Variants in ERMP1 observed in about 807,000 individuals in gnomAD.
ERMP1 encodes the protein Felix-ina.
A neutral mutation model predicts 92.0 loss-of-function variants in ERMP1; 86 were observed. That is an observed-to-expected ratio of 0.93 (90% CI 0.79 to 1.12). The LOEUF (loss-of-function observed/expected upper bound fraction) is 1.12, where lower values mean the gene tolerates loss of function less well. Ranked by LOEUF, ERMP1 falls within the 50% of genes most tolerant of loss-of-function variation. The probability of loss-of-function intolerance (pLI) is 0.00; values close to 1 mark genes in which losing one functional copy is unlikely to be tolerated. For synonymous variants in ERMP1, 530 were observed against 412.8 expected (o/e 1.28, Z -3.44); for missense variants, 1,342 against 1,116.3 (o/e 1.20, Z -2.88).
At chr9:5,799,989 C>T (rs183650371) in intron 11 of ERMP1, among the ~76,000 whole-genome samples, 1 of 152,110 alleles carries the variant, frequency 6.6e-6, no homozygotes, top group Non-Finnish European at 1.5e-5. Context: ...TATTTGGCCC[C>T]TTTTCAAAAC....
At chr9:5,844,513 A>T (rs1156555869) in intron 6 of ERMP1, among the ~76,000 whole-genome samples, 1 of 152,028 alleles carries the variant, frequency 6.6e-6, no homozygotes, top group Non-Finnish European at 1.5e-5. Context: ...GGCTCAAGTG[A>T]CCCACCCTCC....
upstream of ERMP1, among the ~76,000 whole-genome samples, chr9:5,834,916 C>T (rs555101880): frequency 5.7e-5 from 8 of 141,486 alleles, no homozygotes; most frequent in Non-Finnish European, 1.2e-4. Context: ...GCAGATGATA[C>T]CTGCCTTAAG....
rs117713889 is a variant in ERMP1 at position 5,841,190 on chromosome 9, G to C, written n.3200-7878C>G. Among the ~76,000 whole-genome samples, 56 of 152,192 alleles carry C rather than the reference G, an allele frequency of 3.7e-4. No individual in the cohort carries two copies. The East Asian group carries it at 7.7e-3, about 21-fold the overall frequency. On this transcript the variant is annotated intron_variant and non_coding_transcript_variant, in intron 6 of 6. Transcript: ENST00000690753. Reference sequence around the variant, plus strand: ...CCCTTGGTACATTAGCAATCCATAAGCAGAAAGCCAGAAGTACCAAGAATA... The same window carrying C: ...CCCTTGGTACATTAGCAATCCATAACCAGAAAGCCAGAAGTACCAAGAATA...
At chr9:5,861,887 G>A (rs1830508392) in intron 5 of ERMP1, among the ~76,000 whole-genome samples, 1 of 151,972 alleles carries the variant, frequency 6.6e-6, no homozygotes, top group African/African-American at 2.4e-5. Flanking sequence ...GGGGCCAGTT[G>A]AGTGTAGTCC....
At chr9:5,859,965 A>G (rs888385148) in intron 5 of ERMP1, among the ~76,000 whole-genome samples, 1 of 152,166 alleles carries the variant, frequency 6.6e-6, no homozygotes, top group African/African-American at 2.4e-5. Flanking sequence ...ATATCTTAAT[A>G]AAGAATTCTT....
At chr9:5,793,282 AT>A (rs199715569) in intron 13 of ERMP1, among the ~76,000 whole-genome samples, 77 of 151,138 alleles carry the variant, frequency 5.1e-4, no homozygotes, top group East Asian at 9.7e-4. Flanking sequence ...TAAAAAAAAA[AT>A]AGTAGTGTAA....
At position 5,830,811 on chromosome 9, in the gene ERMP1, C is replaced by T. The variant is rs1250691213; in HGVS notation, c.556G>A (p.Val186Ile). 6.2e-7 allele frequency: 1 copy of T among 1,614,124 alleles called. No individual in the cohort carries two copies. The highest frequency in any genetic ancestry group is 1.1e-5 in the South Asian group (1 of 91,080). The change falls in exon 2 of 15, where the codon GTT becomes ATT. Residue 186 changes from valine (V) to isoleucine (I), a missense_variant. Val to Ile is a conservative substitution (Grantham distance 29). Transcript: ENST00000339450. ...TCTCTGGGTTCCAGCTTTACCACAA[C>T]ATTGGTGATGTTGTCATAATAGCTT... ...FTSYYDNITN[V>I]VVKLEPRDGA... is the part of the protein sequence containing the mutation.
In ERMP1 at chr9:5,805,632, G is replaced by C; in HGVS notation, c.1702C>G (p.His568Asp). The change falls in exon 9 of 15, where the codon CAT (histidine) becomes GAT (aspartate). Residue 568 changes from histidine to aspartate, a missense_variant. Transcript: ENST00000339450. ...CTACCATGCTGCTTGAAGTCCTTATGCACACAGAGCTTTGTGAGCAATGGG... is the reference window on the plus strand; with the variant it reads ...CTACCATGCTGCTTGAAGTCCTTATCCACACAGAGCTTTGTGAGCAATGGG... ...AFPLLTKLCVHKDFKQHGAQG... is the reference protein window; with the variant it reads ...AFPLLTKLCVDKDFKQHGAQG... 1.3e-6 allele frequency: 2 copies of C among 1,599,384 alleles called. No individual in the cohort carries two copies. The highest frequency in any genetic ancestry group is 1.7e-6 in the Non-Finnish European group (2 of 1,175,438).
chr9:5,809,650 C>G (rs1829014502), intron 8 of ERMP1, among the ~76,000 whole-genome samples: 1 of 152,204 alleles, frequency 6.6e-6, no homozygotes, highest in Non-Finnish European at 1.5e-5. Flanking sequence ...AATCCCTATC[C>G]TCAAGGAGCT....
rs145787941 is a variant in ERMP1, at chr9:5,821,994, C to T, written c.874+1902G>A. ...AGAGGCCGGGCGTGGTGGCTCGTGCCTGTAATCCCAGCTCTTTGGGAGGCT... is the reference window on the plus strand; with the variant it reads ...AGAGGCCGGGCGTGGTGGCTCGTGCTTGTAATCCCAGCTCTTTGGGAGGCT... On this transcript the variant is annotated intron_variant, in intron 4 of 14. Transcript: ENST00000339450. Among the ~76,000 whole-genome samples the T allele has an allele frequency of 3.5e-3, 526 of 152,324 alleles. 3 individuals are homozygous for T. Among genetic ancestry groups the T allele is most frequent in the African/African-American group, 0.012 (483 of 41,574 alleles).
chr9:5,848,810 A>G (rs1342117789), intron 6 of ERMP1, among the ~76,000 whole-genome samples: 3 of 152,156 alleles, frequency 2.0e-5, no homozygotes, highest in Admixed American at 2.0e-4. Context: ...TAGTGAGGCT[A>G]GTTGAATATC....
intron 4 of ERMP1, among the ~76,000 whole-genome samples, chr9:5,816,285 A>G (rs1315996854): frequency 1.3e-4 from 20 of 152,218 alleles, no homozygotes; most frequent in Admixed American, 1.3e-3. Context: ...GCATTATTAT[A>G]GTTTAATATT....
intron 6 of ERMP1, among the ~76,000 whole-genome samples, chr9:5,841,767 T>A (rs1301352398): frequency 6.6e-6 from 1 of 152,210 alleles, no homozygotes; most frequent in Non-Finnish European, 1.5e-5. Flanking sequence ...TGTCCGGAAC[T>A]GGTTCCTTCA....
rs112496938 is a variant in ERMP1, at chr9:5,818,712, CA to C, written c.874+5183del. 7.8e-3 allele frequency among the ~76,000 whole-genome samples: 989 copies of C among 126,628 alleles called. 4 individuals carry two copies. The highest frequency in any genetic ancestry group is 0.019 in the African/African-American group (636 of 34,108). 83.1% of individuals were successfully genotyped at this position (126,628 alleles called of 152,430 possible). ...TGGGCAACAAAGCAAGATCCTATCT[CA>C]AAAAAAAAAAAAGAAAAGAAAAGAA... is the stretch of plus-strand genomic sequence containing the variant. On this transcript the variant is annotated intron_variant, in intron 4 of 14. Coordinates refer to ENST00000339450, the MANE Select transcript of ERMP1 (RefSeq NM_024896.3).
In ERMP1 at chr9:5,805,960, T is replaced by C. The variant is rs371581994; in HGVS notation, c.1549-175A>G. 3.3e-5 allele frequency among the ~76,000 whole-genome samples: 5 copies of C among 152,300 alleles called. No individual in the cohort carries two copies. In the South Asian group the frequency reaches 6.2e-4, roughly 19 times the overall value. On this transcript the variant is annotated intron_variant, in intron 8 of 14. Coordinates refer to ENST00000339450, the MANE Select transcript of ERMP1 (RefSeq NM_024896.3). Reference sequence around the variant, plus strand: ...CAAAGCTACCTCCCCCATCATGAAGTAGTAAATTCAAATGTAGCACAAGAA... The same window carrying C: ...CAAAGCTACCTCCCCCATCATGAAGCAGTAAATTCAAATGTAGCACAAGAA...
chr9:5,834,703 A>ATGTGTGTGTG (rs766269385), upstream of ERMP1, among the ~76,000 whole-genome samples: 18,570 of 122,828 alleles, frequency 0.15, 1,899 homozygotes, highest in Non-Finnish European at 0.19. Flanking sequence ...GTATGTATAT[A>ATGTGTGTGTG]TGTGTGTGTG....
At chr9:5,826,981 T>C (rs1057300869) in intron 2 of ERMP1, among the ~76,000 whole-genome samples, 2 of 152,204 alleles carry the variant, frequency 1.3e-5, no homozygotes, top group African/African-American at 4.8e-5. Flanking sequence ...ACAGTATCTA[T>C]AAGGGCTAGG....
At chr9:5,859,997 T>G (rs1830439914) in intron 5 of ERMP1, among the ~76,000 whole-genome samples, 1 of 152,154 alleles carries the variant, frequency 6.6e-6, no homozygotes, top group South Asian at 2.1e-4. Flanking sequence ...AAGCTCAACT[T>G]AAGTTTATTA....
intron 13 of ERMP1, among the ~76,000 whole-genome samples, chr9:5,791,052 C>G (rs1242680378): frequency 1.3e-5 from 2 of 151,962 alleles, no homozygotes; most frequent in Non-Finnish European, 2.9e-5. Flanking sequence ...CATGAAAGTC[C>G]CAGACAACTT....
Sources: gnomAD v4.1 joint callset for allele counts (sites outside exome capture counted in the v4.1 genomes callset) on GRCh38, gnomAD v4.1.1 for gene constraint, MANE v1.5 for transcripts, NCBI Gene and HGNC (gene_info 2026-07-23, HGNC 2026-07-21) for gene names.